The following MAPT variants were observed in gnomAD, a reference collection of about 807,000 sequenced individuals.
MAPT encodes the protein microtubule-associated protein tau.
MAPT carries 34 observed loss-of-function variants against 67.9 expected under a neutral mutation model. The observed-to-expected ratio is 0.50, with a 90% CI of 0.38 to 0.67. MAPT has a LOEUF of 0.67. MAPT is among the 30% of genes least tolerant of loss of function. MAPT has a pLI of 0.00. For synonymous variants in MAPT, 456 were observed against 464.5 expected (o/e 0.98, Z 0.23); for missense variants, 881 against 1,115.2 (o/e 0.79, Z 2.99).
chr17:46,018,823 GA>G, intron 12 of MAPT, 93 bp downstream of exon 12: 1 of 910,548 alleles, frequency 1.1e-6, no homozygotes, highest in Non-Finnish European at 1.8e-6. Context: ...CCCAGAGGAG[GA>G]AAACAGAGGC....
intron 1 of MAPT, among the ~76,000 whole-genome samples, chr17:45,910,149 C>T (rs144250297): frequency 3.3e-5 from 5 of 152,298 alleles, no homozygotes; most frequent in South Asian, 4.1e-4. Flanking sequence ...CACACAGGCA[C>T]GGGGTGTCCT....
chr17:45,895,611 G>A (rs942690929), intron 1 of MAPT: 4 of 152,360 alleles, frequency 2.6e-5, no homozygotes, highest in African/African-American at 7.2e-5. Context: ...AGCGCTCGGA[G>A]CGCAGGGCGC....
intron 1 of MAPT, among the ~76,000 whole-genome samples, chr17:45,946,548 G>A (rs539931969): frequency 1.2e-4 from 17 of 144,398 alleles, no homozygotes; most frequent in African/African-American, 2.6e-4. Context: ...GCAGTGAGCC[G>A]AGATGGCACC....
chr17:46,021,763 C>A (rs62062290), intron 12 of MAPT, among the ~76,000 whole-genome samples: 21,794 of 152,250 alleles, frequency 0.14, 2,131 homozygotes, highest in Non-Finnish European at 0.22. Flanking sequence ...TGAGTCTCAG[C>A]TTCTTGGCTC....
intron 12 of MAPT, among the ~76,000 whole-genome samples, chr17:46,022,538 T>C (rs1419042152): frequency 6.6e-6 from 1 of 151,918 alleles, no homozygotes; most frequent in East Asian, 1.9e-4. Context: ...CTCCTAAAAT[T>C]ATATGGAAAA....
intron 1 of MAPT, among the ~76,000 whole-genome samples, chr17:45,935,609 C>T (rs1277741109): frequency 1.3e-5 from 2 of 152,124 alleles, no homozygotes; most frequent in Admixed American, 6.5e-5. Context: ...CTTAGGGAGC[C>T]GGTCCCCTGA....
chr17:45,993,958 A>G, intron 8 of MAPT: 1 of 1,576,456 alleles, frequency 6.3e-7, no homozygotes, highest in Non-Finnish European at 8.6e-7. Context: ...CACCCCCTGC[A>G]GGGCCCAGAT....
chr17:45,908,080 G>C (rs1193474159), intron 1 of MAPT: 2 of 152,364 alleles, frequency 1.3e-5, no homozygotes, highest in South Asian at 2.1e-4. Context: ...CTGTGAATGG[G>C]TCATATGTAA....
chr17:45,996,593 C>G lies in MAPT; in HGVS notation c.1927C>G (p.Pro643Ala), dbSNP rs767689939. Residue 643 changes from proline (P) to alanine (A), a missense_variant, in exon 9 of 13, where the codon CCA (proline) becomes GCA (alanine). Physicochemically the swap from Pro to Ala is conservative, Grantham distance 27. This residue lies in a region of MAPT where 45 missense variants were observed against 43.2 expected (regional missense o/e 1.04). Coordinates refer to ENST00000262410, the MANE Select transcript of MAPT (RefSeq NM_001377265.1). The surrounding 1 kb of genome is among the most constrained non-coding windows in gnomAD (Gnocchi z 4.5). ...SRLQTAPVPMPDLKNVKSKIG... is the reference protein window; with the variant it reads ...SRLQTAPVPMADLKNVKSKIG... ...CCTGCAGACAGCCCCCGTGCCCATG[C>G]CAGACCTGAAGAATGTCAAGTCCAA... is the stretch of plus-strand genomic sequence containing the variant. 4.3e-6 allele frequency: 7 copies of G among 1,613,922 alleles called. No homozygotes were observed. In the South Asian group the frequency reaches 7.7e-5, roughly 18 times the overall value.
intron 1 of MAPT, among the ~76,000 whole-genome samples, chr17:45,902,203 C>G (rs1237391410): frequency 6.6e-6 from 1 of 152,106 alleles, no homozygotes. Context: ...TCCGCCGTAG[C>G]CGGGACTACA....
intron 1 of MAPT, among the ~76,000 whole-genome samples, chr17:45,952,103 G>A (rs1342115783): frequency 1.3e-5 from 2 of 152,326 alleles, no homozygotes; most frequent in African/African-American, 2.4e-5. Context: ...GTGATGACAC[G>A]TCTGGTCCAG....
At chr17:46,016,125 C>T (rs1460982684) in intron 11 of MAPT, among the ~76,000 whole-genome samples, 2 of 152,192 alleles carry the variant, frequency 1.3e-5, no homozygotes, top group East Asian at 3.9e-4. Flanking sequence ...GCTGTGGTGG[C>T]CCACACCTAT....
chr17:45,904,030 ATATATTATATATTTATATATAT>A (rs2063949793), intron 1 of MAPT, among the ~76,000 whole-genome samples: 1 of 40,176 alleles, frequency 2.5e-5, no homozygotes, highest in African/African-American at 8.6e-5. Context: ...TTATATATTT[ATATATTATATATTTATATATAT>A]TATATATTAT....
chr17:45,966,613 C>T (rs1310393985), intron 2 of MAPT, among the ~76,000 whole-genome samples: 1 of 151,998 alleles, frequency 6.6e-6, no homozygotes, highest in African/African-American at 2.4e-5. Flanking sequence ...AAATAAAGTC[C>T]AGGAAAGAAG....
chr17:45,944,351 G>C (rs4327091), intron 1 of MAPT, among the ~76,000 whole-genome samples: 2 of 152,140 alleles, frequency 1.3e-5, no homozygotes, highest in Non-Finnish European at 2.9e-5. Flanking sequence ...TCAGGAAGAC[G>C]TGAAGCCAAA....
In MAPT at chr17:45,995,198, G is replaced by A. The variant is rs116049255; in HGVS notation, c.1733-1201G>A. 6.2e-3 allele frequency among the ~76,000 whole-genome samples: 943 copies of A among 152,290 alleles called. 11 individuals are homozygous for A. The highest frequency in any genetic ancestry group is 0.022 in the African/African-American group (909 of 41,564). On this transcript the variant is annotated intron_variant, in intron 8 of 12. Transcript: ENST00000262410. The surrounding 1 kb of genome is among the most constrained non-coding windows in gnomAD (Gnocchi z 4.3). ...AGGTATGTGTTACAGCAAATGCCTG[G>A]GGCAGCGGCAGGGGCATTGCTGCGG...
intron 1 of MAPT, among the ~76,000 whole-genome samples, chr17:45,907,354 C>G (rs920634145): frequency 6.6e-6 from 1 of 152,208 alleles, no homozygotes; most frequent in African/African-American, 2.4e-5. Flanking sequence ...AGAGGCTACG[C>G]GTTTCCTCTC....
intron 1 of MAPT, among the ~76,000 whole-genome samples, chr17:45,926,928 CATATATA>C (rs2066361990): frequency 6.7e-6 from 1 of 149,554 alleles, no homozygotes; most frequent in Admixed American, 6.7e-5. Flanking sequence ...TATATATACA[CATATATA>C]CACATATATA....
At chr17:46,011,723 C>T (rs1598384806) in intron 10 of MAPT, among the ~76,000 whole-genome samples, 1 of 152,274 alleles carries the variant, frequency 6.6e-6, no homozygotes, top group East Asian at 1.9e-4. Context: ...AGTACCGGGA[C>T]ACTGCTGTGG....
Sources: allele counts gnomAD v4.1 joint callset (sites outside exome capture counted in the v4.1 genomes callset), GRCh38; gene constraint gnomAD v4.1.1; regional missense constraint gnomAD v4.1.1; non-coding constraint Gnocchi (gnomAD v3.1); transcripts MANE v1.5; gene names NCBI Gene and HGNC (gene_info 2026-07-23, HGNC 2026-07-21).